The following ROBO1 variants were observed in gnomAD, a reference collection of about 807,000 sequenced individuals.
The protein encoded by ROBO1 is roundabout homolog 1.
ROBO1 carries 149 observed loss-of-function variants against 195.9 expected under a neutral mutation model. The observed-to-expected ratio is 0.76, with a 90% CI of 0.67 to 0.87. The LOEUF (loss-of-function observed/expected upper bound fraction) is 0.87. ROBO1 is among the 40% of genes least tolerant of loss of function. The probability of loss-of-function intolerance (pLI) is 0.00; values close to 1 mark genes in which losing one functional copy is unlikely to be tolerated. For missense variants in ROBO1, 1,933 were observed against 2,068.3 expected (o/e 0.93, Z 1.27); for synonymous variants, 816 against 733.2 (o/e 1.11, Z -1.82).
intron 10 of ROBO1, among the ~76,000 whole-genome samples, chr3:78,672,681 G>T (rs1467562167): frequency 2.6e-5 from 4 of 151,382 alleles, no homozygotes; most frequent in Non-Finnish European, 5.9e-5. Context: ...AGTTTTTGAT[G>T]TCATGAAGTA....
At chr3:79,106,160 G>T (rs1004561761) in intron 3 of ROBO1, among the ~76,000 whole-genome samples, 2 of 151,718 alleles carry the variant, frequency 1.3e-5, no homozygotes, top group South Asian at 4.1e-4. Flanking sequence ...CAAGCAAATT[G>T]TCTGCTTTAA....
chr3:79,095,194 T>G (rs2079545628), intron 3 of ROBO1, among the ~76,000 whole-genome samples: 1 of 151,974 alleles, frequency 6.6e-6, no homozygotes, highest in Non-Finnish European at 1.5e-5. Flanking sequence ...GTATGCAAAT[T>G]TTTTGATATT....
chr3:78,824,875 T>C (rs2031433934), intron 4 of ROBO1, among the ~76,000 whole-genome samples: 1 of 152,122 alleles, frequency 6.6e-6, no homozygotes, highest in Non-Finnish European at 1.5e-5. Flanking sequence ...AACCTGCCAT[T>C]TTCTCTCCTT....
At chr3:79,562,885 T>G (rs115625586) in intron 2 of ROBO1, among the ~76,000 whole-genome samples, 195 of 152,132 alleles carry the variant, frequency 1.3e-3, no homozygotes, top group African/African-American at 4.5e-3. Flanking sequence ...GATAATTTAT[T>G]TTTGTGAAAA....
chr3:79,588,728 T>C (rs1576077069), intron 2 of ROBO1, among the ~76,000 whole-genome samples: 2 of 151,858 alleles, frequency 1.3e-5, no homozygotes, highest in East Asian at 3.9e-4. Context: ...TAAGAATACG[T>C]AGTAATTTTA....
intron 3 of ROBO1, among the ~76,000 whole-genome samples, chr3:79,092,539 A>G (rs2079498531): frequency 6.6e-6 from 1 of 152,178 alleles, no homozygotes; most frequent in Non-Finnish European, 1.5e-5. Context: ...TCATTTCTGA[A>G]GTGTCAGAGG....
In ROBO1 at chr3:78,661,139, T is replaced by A. The variant is rs35446711; in HGVS notation, c.2211A>T (p.Val737=). ...EVRTPAKNSV[V]IPDLRKGVNY... ...TGACTCCCTTTCTGAGATCAGGGAT[T>A]ACCACACTGTTTTTGGCTGGCGTCC... is the stretch of plus-strand genomic sequence containing the variant. The change falls in exon 16 of 31, where the codon GTA becomes GTT. Residue 737 remains valine (V), a synonymous_variant. Coordinates refer to ENST00000464233, the MANE Select transcript of ROBO1 (RefSeq NM_002941.4). The A allele has an allele frequency of 3.8e-3, 6,107 of 1,613,786 alleles. 177 individuals are homozygous for A. The African/African-American group carries it at 0.067, about 18-fold the overall frequency.
Position 79,018,043 on chromosome 3 carries a change from A to C in ROBO1, c.173-79116T>G, listed in dbSNP as rs1397927483. Among the ~76,000 whole-genome samples the C allele has an allele frequency of 2.0e-5, 3 of 152,104 alleles. No homozygotes were observed. The East Asian group carries it at 5.8e-4, about 29-fold the overall frequency. On this transcript the variant is annotated intron_variant, in intron 3 of 30. Transcript: ENST00000464233. ...TCCCCAGGGAAGCAGCCGGCGGCTG[A>C]TACTCACTTCGGCTCATCCTGGGGG...
chr3:79,661,521 T>G (rs1187077877), intron 1 of ROBO1, among the ~76,000 whole-genome samples: 2 of 152,014 alleles, frequency 1.3e-5, no homozygotes, highest in Admixed American at 1.3e-4. Flanking sequence ...TTCTTTCTTT[T>G]CCCCACTTCC....
At chr3:78,962,141 C>G (rs946101399) in intron 3 of ROBO1, among the ~76,000 whole-genome samples, 10 of 152,054 alleles carry the variant, frequency 6.6e-5, no homozygotes, top group African/African-American at 2.2e-4. Context: ...TCACTAGAAC[C>G]AGGATCCTGT....
intron 2 of ROBO1, among the ~76,000 whole-genome samples, chr3:79,532,038 G>A (rs1273908627): frequency 1.3e-5 from 2 of 151,918 alleles, no homozygotes; most frequent in African/African-American, 4.8e-5. Flanking sequence ...TGACTGGTGT[G>A]GATCATTTAG....
chr3:79,102,122 A>G (rs575884130), intron 3 of ROBO1, among the ~76,000 whole-genome samples: 2 of 151,936 alleles, frequency 1.3e-5, no homozygotes, highest in South Asian at 4.1e-4. Flanking sequence ...CATAAAATAT[A>G]TACTATTTCA....
At chr3:79,618,223 A>G (rs937623198) in intron 1 of ROBO1, among the ~76,000 whole-genome samples, 1 of 152,198 alleles carries the variant, frequency 6.6e-6, no homozygotes. Context: ...CATAATTTCT[A>G]AAAATTTGGT....
intron 2 of ROBO1, among the ~76,000 whole-genome samples, chr3:79,538,485 G>A (rs1559974856): frequency 6.6e-6 from 1 of 152,010 alleles, no homozygotes; most frequent in Non-Finnish European, 1.5e-5. Context: ...AAAAATGAAT[G>A]CCCCAAATAT....
chr3:79,522,096 AT>A (rs1239163385), intron 2 of ROBO1, among the ~76,000 whole-genome samples: 1 of 152,154 alleles, frequency 6.6e-6, no homozygotes, highest in Non-Finnish European at 1.5e-5. Context: ...TAGTATTATA[AT>A]TTAGTGTATC....
chr3:79,546,097 T>C (rs6773279), intron 2 of ROBO1, among the ~76,000 whole-genome samples: 82,807 of 151,806 alleles, frequency 0.55, 22,733 homozygotes, highest in African/African-American at 0.61. Flanking sequence ...ATATTTTTCT[T>C]ATAACTTTCT....
At chr3:79,260,283 A>T (rs926009919) in intron 2 of ROBO1, among the ~76,000 whole-genome samples, 5 of 152,018 alleles carry the variant, frequency 3.3e-5, no homozygotes, top group Non-Finnish European at 1.5e-5. Flanking sequence ...GTGCTCTGGA[A>T]ATATTCTGCT....
intron 3 of ROBO1, among the ~76,000 whole-genome samples, chr3:79,004,163 T>A (rs2077569347): frequency 1.3e-5 from 2 of 152,186 alleles, no homozygotes; most frequent in African/African-American, 4.8e-5. Flanking sequence ...TTTGGTGCTA[T>A]ACAACATTTC....
intron 2 of ROBO1, among the ~76,000 whole-genome samples, chr3:79,217,155 C>A (rs2082070007): frequency 1.3e-5 from 2 of 152,030 alleles, no homozygotes; most frequent in African/African-American, 2.4e-5. Flanking sequence ...TTTTCAGCAA[C>A]CTGGTAATCC....
Sources: gnomAD v4.1 joint callset for allele counts (sites outside exome capture counted in the v4.1 genomes callset) on GRCh38, gnomAD v4.1.1 for gene constraint, MANE v1.5 for transcripts, NCBI Gene and HGNC (gene_info 2026-07-23, HGNC 2026-07-21) for gene names.